The following RBFOX1 variants were observed in gnomAD, a reference collection of about 807,000 sequenced individuals.
RBFOX1 encodes RNA binding fox-1 homolog 1.
In RBFOX1, 8 loss-of-function variants were observed where a neutral mutation model predicts 57.7. The observed-to-expected ratio is 0.14, with a 90% confidence interval of 0.08 to 0.25. RBFOX1 has a LOEUF of 0.25. Among genes scored for constraint, RBFOX1 ranks in the 10% least tolerant of loss-of-function variants. The pLI is 1.00. For synonymous variants in RBFOX1, 326 were observed against 222.4 expected, an observed-to-expected ratio of 1.47 and a Z score of -4.15; for missense variants, 611 against 548.5, an observed-to-expected ratio of 1.11 and a Z score of -1.14.
At chr16:6,680,540 G>A (rs1379159248) in intron 3 of RBFOX1, among the ~76,000 whole-genome samples, 4 of 152,114 alleles carry the variant, frequency 2.6e-5, no homozygotes, top group African/African-American at 9.7e-5. Context: ...TGGGATTACA[G>A]GCGTAAGCCA....
intron 5 of RBFOX1, among the ~76,000 whole-genome samples, chr16:7,577,933 A>G (rs1043291613): frequency 1.3e-5 from 2 of 152,308 alleles, no homozygotes; most frequent in African/African-American, 4.8e-5. Context: ...AAATGATTCT[A>G]TTTATGATTG....
In RBFOX1 at chr16:5,779,934, G is replaced by A. The variant is rs867057977; in HGVS notation, c.319-87369G>A. On this transcript the variant is annotated intron_variant, in intron 3 of 19. Transcript: ENST00000641259. ...TAATCATACTGATCTGAGAGTTTTC[G>A]AAAATAATAAATGAGCTAAAATATG... Among the ~76,000 whole-genome samples the A allele has an allele frequency of 1.3e-4, 20 of 152,128 alleles. 1 individual carries two copies. Among genetic ancestry groups the A allele is most frequent in the South Asian group, 2.1e-4 (1 of 4,828 alleles).
chr16:5,276,511 G>A (rs1156609798), intron 1 of RBFOX1, among the ~76,000 whole-genome samples: 1 of 152,120 alleles, frequency 6.6e-6, no homozygotes, highest in Non-Finnish European at 1.5e-5. Context: ...AGGGCCAGGC[G>A]CCGTGGCTGA....
At chr16:7,179,278 A>G (rs1199439756) in intron 4 of RBFOX1, among the ~76,000 whole-genome samples, 5 of 151,056 alleles carry the variant, frequency 3.3e-5, no homozygotes, top group African/African-American at 1.2e-4. Context: ...TTCAGAGTTC[A>G]TGTCCATTGG....
rs569432648 is a variant in RBFOX1, at chr16:6,894,287, C to T, written c.-15-157770C>T. ...ACAGTTTCATAATATGTCTCTATTT[C>T]CAAGGGGTGGTCTGTTGTGCGTTTG... On this transcript the variant is annotated intron_variant, in intron 3 of 15. Coordinates refer to ENST00000550418, the MANE Select transcript of RBFOX1 (RefSeq NM_018723.4). Among the ~76,000 whole-genome samples the T allele has an allele frequency of 2.6e-5, 4 of 152,138 alleles. No individual in the cohort carries two copies. In the South Asian group the frequency reaches 8.3e-4, roughly 32 times the overall value.
intron 3 of RBFOX1, among the ~76,000 whole-genome samples, chr16:6,776,696 C>G (rs776560932): frequency 1.3e-5 from 2 of 152,134 alleles, no homozygotes; most frequent in African/African-American, 2.4e-5. Context: ...ATAAGCTCCC[C>G]CATGCCTGCC....
chr16:5,568,446 C>T (rs1431113143), intron 2 of RBFOX1, among the ~76,000 whole-genome samples: 3 of 152,188 alleles, frequency 2.0e-5, no homozygotes, highest in Non-Finnish European at 4.4e-5. Flanking sequence ...TTCTCTTTCC[C>T]CCTTTCCTGT....
At chr16:5,469,063 C>G (rs1172456456) in intron 2 of RBFOX1, among the ~76,000 whole-genome samples, 2 of 152,186 alleles carry the variant, frequency 1.3e-5, no homozygotes, top group Non-Finnish European at 2.9e-5. Context: ...CTGGATCTGA[C>G]CAGTAGAGGT....
Position 6,631,834 on chromosome 16 carries a change from A to G in RBFOX1, c.-63-22769A>G, listed in dbSNP as rs115319896. ...GGCGGGGGTAGAGCGGGTGCATGCA[A>G]ACACCCCAAGGTGGCCACAAACTTA... On this transcript the variant is annotated intron_variant, in intron 2 of 15. Coordinates refer to ENST00000550418, the MANE Select transcript of RBFOX1 (RefSeq NM_018723.4). Among the ~76,000 whole-genome samples the G allele has an allele frequency of 1.1e-3, 173 of 151,904 alleles. 1 individual carries two copies. Among genetic ancestry groups the G allele is most frequent in the Admixed American group, 3.0e-3 (46 of 15,238 alleles).
intron 2 of RBFOX1, among the ~76,000 whole-genome samples, chr16:5,527,317 G>T (rs113882848): frequency 6.6e-6 from 1 of 152,152 alleles, no homozygotes; most frequent in African/African-American, 2.4e-5. Context: ...ACACCTACCT[G>T]CAAGGAACAC....
At chr16:5,945,310 A>C (rs1173205635) in intron 4 of RBFOX1, among the ~76,000 whole-genome samples, 2 of 152,216 alleles carry the variant, frequency 1.3e-5, no homozygotes, top group Non-Finnish European at 2.9e-5. Context: ...GTCTGGAGTC[A>C]TCATCGTTGA....
intron 2 of RBFOX1, among the ~76,000 whole-genome samples, chr16:5,492,528 G>C (rs907077828): frequency 2.6e-5 from 4 of 152,354 alleles, no homozygotes; most frequent in Admixed American, 2.0e-4. Flanking sequence ...AAGATGAAGA[G>C]ATTTTAATGG....
chr16:7,225,580 C>A (rs1371969219), intron 4 of RBFOX1, among the ~76,000 whole-genome samples: 1 of 151,600 alleles, frequency 6.6e-6, no homozygotes, highest in Non-Finnish European at 1.5e-5. Flanking sequence ...ATACAGTGGG[C>A]CATGTGAGAT....
At chr16:7,214,937 G>A (rs906882087) in intron 4 of RBFOX1, among the ~76,000 whole-genome samples, 3 of 152,056 alleles carry the variant, frequency 2.0e-5, no homozygotes, top group Admixed American at 6.6e-5. Flanking sequence ...TGTACTGAAT[G>A]TGCAGGTTTG....
chr16:5,275,221 C>T (rs560209904), intron 1 of RBFOX1, among the ~76,000 whole-genome samples: 1 of 152,232 alleles, frequency 6.6e-6, no homozygotes, highest in African/African-American at 2.4e-5. Flanking sequence ...GATTTTGGTA[C>T]ATTTGTGCAA....
At chr16:6,145,483 G>C (rs1319995123) in intron 1 of RBFOX1, among the ~76,000 whole-genome samples, 3 of 152,072 alleles carry the variant, frequency 2.0e-5, no homozygotes, top group African/African-American at 7.2e-5. Flanking sequence ...TGTGAATAGT[G>C]CTACAGTGAA....
At chr16:6,539,823 A>ACACACACACACACACACACACACACACC (rs2096787824) in intron 2 of RBFOX1, among the ~76,000 whole-genome samples, 1 of 151,774 alleles carries the variant, frequency 6.6e-6, no homozygotes, top group Non-Finnish European at 1.5e-5. Context: ...ACACACACAC[A>ACACACACACACACACACACACACACACC]CACACACACA....
chr16:7,054,213 C>CGGGGGGGG (rs71147642), intron 4 of RBFOX1, among the ~76,000 whole-genome samples: 2 of 17,828 alleles, frequency 1.1e-4, no homozygotes, highest in African/African-American at 9.2e-4. Context: ...TTTTTTTTTT[C>CGGGGGGGG]GGGGGGGGGG....
chr16:5,279,548 C>T lies in RBFOX1; in HGVS notation c.219+39443C>T, dbSNP rs1280172793. Among the ~76,000 whole-genome samples, 4 of 152,304 alleles carry T rather than the reference C, an allele frequency of 2.6e-5. No individual in the cohort carries two copies. In the South Asian group the frequency reaches 8.3e-4, roughly 32 times the overall value. Reference sequence around the variant, plus strand: ...ATAGAGTCTCACTCTGTTGCCCAGGCTGGAGTGCAGTGGTGCAATCTTGGC... The same window carrying T: ...ATAGAGTCTCACTCTGTTGCCCAGGTTGGAGTGCAGTGGTGCAATCTTGGC... On this transcript the variant is annotated intron_variant, in intron 1 of 2. Coordinates refer to the RBFOX1 transcript ENST00000585867.
Sources: gnomAD v4.1 joint callset for allele counts (sites outside exome capture counted in the v4.1 genomes callset) on GRCh38, gnomAD v4.1.1 for gene constraint, MANE v1.5 for transcripts, NCBI Gene and HGNC (gene_info 2026-07-23, HGNC 2026-07-21) for gene names.